RNF185: variants seen among roughly 807,000 people sequenced by gnomAD.
RNF185 encodes ring finger protein 185, also known as E3 ubiquitin-protein ligase RNF185.
Under a neutral mutation model 24.9 loss-of-function variants are expected in RNF185, and 13 were observed. The ratio of observed to expected loss-of-function variants is 0.52; its 90% CI spans 0.34 to 0.83. The LOEUF is 0.83. Ranked by LOEUF, RNF185 falls within the 40% of genes least tolerant of loss-of-function variation. RNF185 has a pLI of 0.01. For missense variants in RNF185, 184 were observed against 244.7 expected, an observed-to-expected ratio of 0.75 and a Z score of 1.65; for synonymous variants, 79 against 90.3, an observed-to-expected ratio of 0.88 and a Z score of 0.71.
intron 2 of RNF185, among the ~76,000 whole-genome samples, chr22:31,188,044 G>A (rs2048117318): frequency 6.6e-6 from 1 of 152,076 alleles, no homozygotes; most frequent in Non-Finnish European, 1.5e-5. Context: ...AGTTTCTAGG[G>A]ACAGGCACAT....
intron 3 of RNF185, among the ~76,000 whole-genome samples, chr22:31,195,101 C>T (rs768969977): frequency 2.6e-4 from 39 of 151,956 alleles, no homozygotes; most frequent in Non-Finnish European, 4.0e-4. Flanking sequence ...TACAGGCATG[C>T]GCCACCATGT....
chr22:31,165,887 C>T (rs1923892706), intron 1 of RNF185, among the ~76,000 whole-genome samples: 1 of 152,214 alleles, frequency 6.6e-6, no homozygotes, highest in Non-Finnish European at 1.5e-5. Flanking sequence ...CTAGGCCTAT[C>T]TTGACCCTAC....
Position 31,184,054 on chromosome 22 carries a change from G to A in RNF185, c.-48-2993G>A, listed in dbSNP as rs1460069051. 3.6e-4 allele frequency among the ~76,000 whole-genome samples: 54 copies of A among 150,762 alleles called. No homozygotes were observed. The South Asian group carries it at 4.0e-3, about 11-fold the overall frequency. On this transcript the variant is annotated intron_variant, in intron 1 of 6. Coordinates refer to ENST00000326132, the MANE Select transcript of RNF185 (RefSeq NM_152267.4). ...TCCCGGACGGGGCGGCTGGCCGGTC[G>A]GGGGCTGCCCCTCCCTTCCCGGACG...
chr22:31,203,069 C>G (rs1025371390), intron 6 of RNF185, among the ~76,000 whole-genome samples: 3 of 152,218 alleles, frequency 2.0e-5, no homozygotes, highest in African/African-American at 7.2e-5. Flanking sequence ...TGATAGCTTG[C>G]ATCCTTCTAA....
chr22:31,204,423 C>T, intron 6 of RNF185, 66 bp from the exon 7 acceptor site: 1 of 922,972 alleles, frequency 1.1e-6, no homozygotes, highest in South Asian at 1.3e-5. Context: ...CAACTTCTGG[C>T]CTGAGTGGGC....
intron 1 of RNF185, among the ~76,000 whole-genome samples, chr22:31,174,184 A>G (rs1328609647): frequency 6.6e-6 from 1 of 152,216 alleles, no homozygotes; most frequent in African/African-American, 2.4e-5. Flanking sequence ...AGGCTCAGAA[A>G]GAAAATAACT....
chr22:31,161,876 CT>C (rs35063806), intron 1 of RNF185, among the ~76,000 whole-genome samples: 395 of 127,818 alleles, frequency 3.1e-3, no homozygotes, highest in East Asian at 4.9e-3. Flanking sequence ...CAAGTTCCAG[CT>C]TTTTTTTTTT....
chr22:31,184,616 C>T (rs2048078731), intron 1 of RNF185, among the ~76,000 whole-genome samples: 1 of 152,158 alleles, frequency 6.6e-6, no homozygotes, highest in Non-Finnish European at 1.5e-5. Context: ...TGCACTCCAG[C>T]CTGGGCAACA....
intron 5 of RNF185, among the ~76,000 whole-genome samples, chr22:31,200,007 T>C (rs2048245045): frequency 6.6e-6 from 1 of 152,170 alleles, no homozygotes; most frequent in South Asian, 2.1e-4. Context: ...GTTCTAAACC[T>C]CTCATCAGGG....
chr22:31,194,674 C>G (rs8135347), intron 3 of RNF185, among the ~76,000 whole-genome samples: 120,351 of 151,924 alleles, frequency 0.79, 48,616 homozygotes, highest in African/African-American at 0.95. Flanking sequence ...GTTGCAGTGA[C>G]CTGAGATCAT....
At chr22:31,163,703 T>G (rs1016355246) in intron 1 of RNF185, among the ~76,000 whole-genome samples, 6 of 145,590 alleles carry the variant, frequency 4.1e-5, no homozygotes, top group Non-Finnish European at 7.5e-5. Context: ...AAACGGAGTC[T>G]CACTCTGTCC....
intron 5 of RNF185, among the ~76,000 whole-genome samples, chr22:31,199,209 A>G (rs576159752): frequency 2.0e-5 from 3 of 152,306 alleles, no homozygotes; most frequent in South Asian, 2.1e-4. Flanking sequence ...GGAAATAACT[A>G]TATGTTAAGA....
At chr22:31,163,809 G>A (rs1209913639) in intron 1 of RNF185, among the ~76,000 whole-genome samples, 1 of 151,742 alleles carries the variant, frequency 6.6e-6, no homozygotes, top group African/African-American at 2.4e-5. Flanking sequence ...GAGTAGCTGG[G>A]ACTACAGGTG....
chr22:31,204,368 GTGTGTAGGATTCTGATGT>G (rs1401856840), intron 6 of RNF185, 103 bp from the exon 7 acceptor site: 11 of 663,716 alleles, frequency 1.7e-5, no homozygotes, highest in African/African-American at 5.4e-5. Context: ...AAATCTTTTT[GTGTGTAGGATTCTGATGT>G]TGTAAAGAGA....
Position 31,201,526 on chromosome 22 carries a change from G to A in RNF185, c.392G>A (p.Gly131Asp), listed in dbSNP as rs762742348. Residue 131 changes from glycine (G) to aspartate (D), a missense_variant, in exon 6 of 7, where the codon GGT (glycine) becomes GAT (aspartate). By Grantham distance (94) the Gly-to-Asp change is moderately conservative. Coordinates refer to ENST00000326132, the MANE Select transcript of RNF185 (RefSeq NM_152267.4). ...TTTCAAGGATTTGGATTTGGAGATGGTGGCTTCCAGATGTCTTTTGGAATT... is the reference window on the plus strand; with the variant it reads ...TTTCAAGGATTTGGATTTGGAGATGATGGCTTCCAGATGTCTTTTGGAATT... Reference protein sequence around the residue: ...GGFQGFGFGDGGFQMSFGIGA... With the variant: ...GGFQGFGFGDDGFQMSFGIGA... 1.1e-5 allele frequency: 18 copies of A among 1,611,812 alleles called. No individual in the cohort carries two copies. In the East Asian group the frequency reaches 3.3e-4, roughly 30 times the overall value.
At chr22:31,195,199 C>T (rs2048193739) in intron 3 of RNF185, among the ~76,000 whole-genome samples, 1 of 152,118 alleles carries the variant, frequency 6.6e-6, no homozygotes, top group Non-Finnish European at 1.5e-5. Context: ...GTGATCCACC[C>T]ACCTCCGCCT....
intron 1 of RNF185, among the ~76,000 whole-genome samples, chr22:31,168,976 C>G (rs1924114887): frequency 6.6e-6 from 1 of 152,116 alleles, no homozygotes; most frequent in African/African-American, 2.4e-5. Flanking sequence ...GTGGTGGAAT[C>G]TGGGCTCTGC....
chr22:31,197,297 A>G (rs1382180212), intron 5 of RNF185: 2 of 259,506 alleles, frequency 7.7e-6, no homozygotes, highest in African/African-American at 4.6e-5. Context: ...GTTTTTTACA[A>G]TATGTGGCTC....
intron 3 of RNF185, 88 bp downstream of exon 3, chr22:31,192,790 C>T: frequency 8.1e-7 from 1 of 1,235,618 alleles, no homozygotes; most frequent in Non-Finnish European, 1.2e-6. Context: ...TCAGAAGCTG[C>T]AATCTGCCCT....
Sources: gnomAD v4.1 joint callset for allele counts (sites outside exome capture counted in the v4.1 genomes callset) on GRCh38, gnomAD v4.1.1 for gene constraint, MANE v1.5 for transcripts, NCBI Gene and HGNC (gene_info 2026-07-23, HGNC 2026-07-21) for gene names.